Variants in ADAMTS17 observed in about 807,000 individuals in gnomAD.
ADAMTS17 encodes the protein A disintegrin and metalloproteinase with thrombospondin motifs 17.
A neutral mutation model predicts 141.5 loss-of-function variants in ADAMTS17; 113 were observed. The observed-to-expected ratio is 0.80, with a 90% CI of 0.69 to 0.93. The LOEUF is 0.93. Ranked by LOEUF, ADAMTS17 falls within the 40% of genes least tolerant of loss-of-function variation. The pLI is 0.00. For synonymous variants in ADAMTS17, 768 were observed against 630.6 expected (o/e 1.22, Z -3.27); for missense variants, 1,659 against 1,517.9 (o/e 1.09, Z -1.54).
intron 12 of ADAMTS17, among the ~76,000 whole-genome samples, chr15:100,119,774 A>C (rs1305117731): frequency 6.6e-6 from 1 of 152,168 alleles, no homozygotes; most frequent in Non-Finnish European, 1.5e-5. Flanking sequence ...CAAATTCTCC[A>C]ACAGGCAGTC....
chr15:100,043,622 C>T (rs1157883062), intron 18 of ADAMTS17, among the ~76,000 whole-genome samples: 1 of 152,116 alleles, frequency 6.6e-6, no homozygotes, highest in Non-Finnish European at 1.5e-5. Context: ...TTGGACAACC[C>T]AAGGGCGAAT....
intron 15 of ADAMTS17, among the ~76,000 whole-genome samples, chr15:100,067,725 T>C (rs945050532): frequency 6.6e-6 from 1 of 152,160 alleles, no homozygotes; most frequent in East Asian, 1.9e-4. Context: ...CTACCTTTTA[T>C]CTTTTAACCG....
At chr15:100,058,343 AACACCCCTATCCCG>A (rs2141631966) in intron 15 of ADAMTS17, among the ~76,000 whole-genome samples, 1 of 151,670 alleles carries the variant, frequency 6.6e-6, no homozygotes, top group South Asian at 2.1e-4. Flanking sequence ...TCCCGGCTCT[AACACCCCTATCCCG>A]GCTCTAACCC....
At chr15:100,308,559 T>C (rs1159170449) in intron 3 of ADAMTS17, among the ~76,000 whole-genome samples, 3 of 152,194 alleles carry the variant, frequency 2.0e-5, no homozygotes, top group African/African-American at 4.8e-5. Flanking sequence ...TAGTTACTGA[T>C]GTATCATAAC....
intron 2 of ADAMTS17, among the ~76,000 whole-genome samples, chr15:100,333,504 T>C (rs548135030): frequency 1.3e-5 from 2 of 152,314 alleles, no homozygotes; most frequent in African/African-American, 4.8e-5. Flanking sequence ...GAAAATTCAA[T>C]GTGTAGCCAG....
At chr15:99,989,255 C>G (rs59711042) in intron 20 of ADAMTS17, among the ~76,000 whole-genome samples, 238 of 152,240 alleles carry the variant, frequency 1.6e-3, no homozygotes, top group African/African-American at 5.3e-3. Flanking sequence ...CAGGGGTACC[C>G]CACAAAAAGG....
chr15:100,114,607 T>C (rs1434808364), intron 13 of ADAMTS17, among the ~76,000 whole-genome samples: 1 of 152,190 alleles, frequency 6.6e-6, no homozygotes, highest in Non-Finnish European at 1.5e-5. Flanking sequence ...AAACGCGAGA[T>C]ACTTACTGCC....
intron 12 of ADAMTS17, 150 bp from the exon 13 acceptor site, chr15:100,117,163 C>A: frequency 1.1e-6 from 1 of 885,696 alleles, no homozygotes; most frequent in Non-Finnish European, 1.8e-6. Flanking sequence ...GACCAAATGC[C>A]CACAATCCCA....
chr15:100,314,321 C>T lies in ADAMTS17; in HGVS notation c.616+16568G>A, dbSNP rs531505492. ...ACTGGAAAAATGGAAATGCAAATGG[C>T]GTATTAGATAACAGTATTGTATCCC... On this transcript the variant is annotated intron_variant, in intron 3 of 21. Transcript: ENST00000268070. Among the ~76,000 whole-genome samples the T allele has an allele frequency of 5.9e-5, 9 of 152,244 alleles. No homozygotes were observed. In the South Asian group the frequency reaches 6.2e-4, roughly 11 times the overall value.
At chr15:100,195,682 C>T in intron 8 of ADAMTS17, among the ~76,000 whole-genome samples, 1 of 149,868 alleles carries the variant, frequency 6.7e-6, no homozygotes, top group Admixed American at 6.6e-5. Context: ...TCAATCTCAC[C>T]CACAGTACTC....
At chr15:100,070,759 T>G (rs1203997081) in intron 15 of ADAMTS17, among the ~76,000 whole-genome samples, 2 of 148,760 alleles carry the variant, frequency 1.3e-5, no homozygotes, top group African/African-American at 2.5e-5. Flanking sequence ...AGAGGGAAAT[T>G]TATAGCACTA....
intron 10 of ADAMTS17, among the ~76,000 whole-genome samples, chr15:100,140,587 C>A (rs935848306): frequency 2.6e-5 from 4 of 151,366 alleles, no homozygotes; most frequent in Non-Finnish European, 5.9e-5. Flanking sequence ...TAAGCAGTCA[C>A]CAAGTCCAGA....
chr15:100,058,664 C>T (rs994570420), intron 15 of ADAMTS17, among the ~76,000 whole-genome samples: 1 of 152,170 alleles, frequency 6.6e-6, no homozygotes, highest in African/African-American at 2.4e-5. Flanking sequence ...CGACACTGGG[C>T]GGCAGCAGCA....
chr15:100,099,983 T>G (rs865814489), intron 14 of ADAMTS17, among the ~76,000 whole-genome samples: 1 of 152,360 alleles, frequency 6.6e-6, no homozygotes, highest in Non-Finnish European at 1.5e-5. Flanking sequence ...AACAGCCTCC[T>G]GGTCATCACA....
intron 18 of ADAMTS17, among the ~76,000 whole-genome samples, chr15:100,013,262 G>A (rs2061223082): frequency 6.6e-6 from 1 of 152,038 alleles, no homozygotes; most frequent in Non-Finnish European, 1.5e-5. Context: ...TGAATTCTTT[G>A]ATCAGTTCTA....
intron 8 of ADAMTS17, among the ~76,000 whole-genome samples, chr15:100,173,961 G>A (rs933613177): frequency 2.8e-4 from 43 of 152,190 alleles, no homozygotes; most frequent in Admixed American, 1.6e-3. Flanking sequence ...GACCAGAGCC[G>A]CAGCTTTCTC....
At chr15:100,171,544 C>T (rs947408736) in intron 8 of ADAMTS17, among the ~76,000 whole-genome samples, 1 of 152,198 alleles carries the variant, frequency 6.6e-6, no homozygotes, top group Non-Finnish European at 1.5e-5. Context: ...CATGCCTTTG[C>T]CCCCATCTGG....
chr15:100,123,336 C>T (rs2037548326), intron 12 of ADAMTS17, among the ~76,000 whole-genome samples: 1 of 152,190 alleles, frequency 6.6e-6, no homozygotes, highest in Non-Finnish European at 1.5e-5. Flanking sequence ...GACAGCTTGA[C>T]AGGGCTAAAA....
At chr15:100,162,349 C>G (rs1321799826) in intron 8 of ADAMTS17, among the ~76,000 whole-genome samples, 1 of 146,792 alleles carries the variant, frequency 6.8e-6, no homozygotes, top group Non-Finnish European at 1.5e-5. Context: ...TCCTATATAC[C>G]TATATATAAC....
Sources: allele counts gnomAD v4.1 joint callset (sites outside exome capture counted in the v4.1 genomes callset), GRCh38; gene constraint gnomAD v4.1.1; transcripts MANE v1.5; gene names NCBI Gene and HGNC (gene_info 2026-07-23, HGNC 2026-07-21).